XXYLT1: variants seen among roughly 807,000 people sequenced by gnomAD.
XXYLT1 encodes the protein UDP-xylose:alpha-xyloside alpha-1,3-xylosyltransferase.
A neutral mutation model predicts 28.9 loss-of-function variants in XXYLT1; 20 were observed. That is an observed-to-expected ratio of 0.69 (90% CI 0.49 to 1.00). XXYLT1 has a LOEUF of 1.00. XXYLT1 is among the 50% of genes least tolerant of loss of function. The pLI is 0.00. For missense variants in XXYLT1, 542 were observed against 560.1 expected, an observed-to-expected ratio of 0.97 and a Z score of 0.33; for synonymous variants, 257 against 253.8, an observed-to-expected ratio of 1.01 and a Z score of -0.12.
chr3:195,113,235 C>T (rs1267038849), intron 3 of XXYLT1, among the ~76,000 whole-genome samples: 2 of 152,136 alleles, frequency 1.3e-5, no homozygotes, highest in African/African-American at 4.8e-5. Flanking sequence ...CTGATTTCGC[C>T]GCAACTGCAG....
At chr3:195,121,434 A>G (rs1718356194) in intron 3 of XXYLT1, among the ~76,000 whole-genome samples, 1 of 151,892 alleles carries the variant, frequency 6.6e-6, no homozygotes, top group African/African-American at 2.4e-5. Context: ...TGGCCTTCAT[A>G]CCCTCCAGGA....
At chr3:195,171,558 G>A (rs1253746725) in intron 2 of XXYLT1, among the ~76,000 whole-genome samples, 1 of 152,218 alleles carries the variant, frequency 6.6e-6, no homozygotes, top group East Asian at 1.9e-4. Context: ...CAGGCAGGTG[G>A]TATCTGGATT....
chr3:195,255,191 G>A lies in XXYLT1; in HGVS notation c.504+15364C>T, dbSNP rs986615185. Among the ~76,000 whole-genome samples the A allele has an allele frequency of 1.3e-5, 2 of 152,342 alleles. No homozygotes were observed. The highest frequency in any genetic ancestry group is 4.1e-4 in the South Asian group (2 of 4,834). ...GAGCTTCAGTCGGACTAAACCAGCA[G>A]AAAAGGCGGTTTCCGAGTACCATGC... On this transcript the variant is annotated intron_variant, in intron 1 of 3. Coordinates refer to ENST00000310380, the MANE Select transcript of XXYLT1 (RefSeq NM_152531.5). The surrounding 1 kb of genome is among the most constrained non-coding windows in gnomAD (Gnocchi z 4.5).
intron 3 of XXYLT1, among the ~76,000 whole-genome samples, chr3:195,110,852 T>TTGTGTGTGTG (rs1331687591): frequency 3.9e-5 from 1 of 25,432 alleles, no homozygotes; most frequent in East Asian, 3.6e-4. Context: ...TTGTGTGTGT[T>TTGTGTGTGTG]GTATAAGTGT....
At chr3:195,080,261 T>C (rs924842077) in intron 3 of XXYLT1, among the ~76,000 whole-genome samples, 7 of 152,336 alleles carry the variant, frequency 4.6e-5, no homozygotes, top group Admixed American at 3.3e-4. Context: ...GATGGTGACC[T>C]GACCTGGGGA....
At chr3:195,161,943 G>T (rs1720893939) in intron 2 of XXYLT1, among the ~76,000 whole-genome samples, 1 of 151,840 alleles carries the variant, frequency 6.6e-6, no homozygotes, top group Non-Finnish European at 1.5e-5. Flanking sequence ...TTTCTATTTG[G>T]CTGGGTGCAG....
At chr3:195,099,333 C>T (rs1289215587) in intron 3 of XXYLT1, among the ~76,000 whole-genome samples, 2 of 152,182 alleles carry the variant, frequency 1.3e-5, no homozygotes, top group African/African-American at 4.8e-5. Context: ...CCATCACCAC[C>T]CAGGCATCAT....
chr3:195,266,045 AC>A (rs1725839377), intron 1 of XXYLT1, among the ~76,000 whole-genome samples: 1 of 152,194 alleles, frequency 6.6e-6, no homozygotes, highest in African/African-American at 2.4e-5. Context: ...ACTGCACTTG[AC>A]AGAAAGACAA....
At chr3:195,266,524 A>G (rs907258293) in intron 1 of XXYLT1, among the ~76,000 whole-genome samples, 2 of 152,162 alleles carry the variant, frequency 1.3e-5, no homozygotes, top group East Asian at 1.9e-4. Flanking sequence ...GACAAAAAAA[A>G]GGCAGCATTT....
rs1718004507 is a variant in XXYLT1, at chr3:195,115,652, C to G, written c.785+40797G>C. 6.6e-6 allele frequency among the ~76,000 whole-genome samples: 1 copy of G among 152,232 alleles called. No individual in the cohort carries two copies. Among genetic ancestry groups the G allele is most frequent in the Admixed American group, 6.5e-5 (1 of 15,286 alleles). The stretch of plus-strand genomic sequence containing the variant: ...CTATTTACAGGACGACTCCCTTCAT[C>G]TGGTGCGGAGCAGTAACCCCCTCGT... On this transcript the variant is annotated intron_variant, in intron 3 of 3. Transcript: ENST00000310380. The surrounding 1 kb of genome is among the most constrained non-coding windows in gnomAD (Gnocchi z 4.2).
chr3:195,245,925 G>A (rs569201517), intron 1 of XXYLT1, among the ~76,000 whole-genome samples: 1 of 152,300 alleles, frequency 6.6e-6, no homozygotes, highest in South Asian at 2.1e-4. Flanking sequence ...AGCAGGCGCT[G>A]GCACCACCCT....
intron 2 of XXYLT1, among the ~76,000 whole-genome samples, chr3:195,215,110 C>G (rs1379898412): frequency 1.3e-5 from 2 of 150,978 alleles, no homozygotes; most frequent in African/African-American, 2.4e-5. Context: ...ACTTTACAGA[C>G]AAGCAAATGC....
chr3:195,125,359 T>C (rs1440260640), intron 3 of XXYLT1, among the ~76,000 whole-genome samples: 1 of 152,246 alleles, frequency 6.6e-6, no homozygotes, highest in Non-Finnish European at 1.5e-5. Flanking sequence ...CCCCATTTCC[T>C]TCCATTGCGG....
intron 1 of XXYLT1, among the ~76,000 whole-genome samples, chr3:195,227,763 C>T (rs907996155): frequency 3.3e-5 from 5 of 152,178 alleles, no homozygotes; most frequent in African/African-American, 1.2e-4. Flanking sequence ...ACACTCTTTC[C>T]ACCATAAACG....
intron 1 of XXYLT1, among the ~76,000 whole-genome samples, chr3:195,248,294 G>T (rs565514494): frequency 1.3e-5 from 2 of 152,300 alleles, no homozygotes; most frequent in Non-Finnish European, 2.9e-5. Flanking sequence ...GAGTTGACAT[G>T]GTTTGGCTGT....
intron 3 of XXYLT1, among the ~76,000 whole-genome samples, chr3:195,110,784 A>C (rs79358547): frequency 0.68 from 57,204 of 83,600 alleles, 17,635 homozygotes; most frequent in Middle Eastern, 0.74. Context: ...TGTGTGGTGT[A>C]TAAGTGTATG....
chr3:195,165,860 C>T (rs989184121), intron 2 of XXYLT1, among the ~76,000 whole-genome samples: 1 of 152,164 alleles, frequency 6.6e-6, no homozygotes, highest in Non-Finnish European at 1.5e-5. Flanking sequence ...GTCCCTATAT[C>T]TCAGGTACTG....
chr3:195,160,431 GT>G (rs1449012810), intron 2 of XXYLT1, among the ~76,000 whole-genome samples: 1 of 152,206 alleles, frequency 6.6e-6, no homozygotes, highest in Non-Finnish European at 1.5e-5. Flanking sequence ...CTGGGAGAGG[GT>G]TTAGGGAGAA....
At chr3:195,197,982 C>T (rs1722697605) in intron 2 of XXYLT1, among the ~76,000 whole-genome samples, 1 of 152,258 alleles carries the variant, frequency 6.6e-6, no homozygotes, top group Non-Finnish European at 1.5e-5. Flanking sequence ...TCAGCTGCGC[C>T]TGGCTCACAC....
Sources: gnomAD v4.1 joint callset for allele counts (sites outside exome capture counted in the v4.1 genomes callset) on GRCh38, gnomAD v4.1.1 for gene constraint, Gnocchi (gnomAD v3.1) non-coding constraint, MANE v1.5 for transcripts, NCBI Gene and HGNC (gene_info 2026-07-23, HGNC 2026-07-21) for gene names.